The following WDR1 variants were observed in gnomAD, a reference collection of about 807,000 sequenced individuals.
WDR1 encodes the protein WD repeat-containing protein 1.
A neutral mutation model predicts 71.9 loss-of-function variants in WDR1; 21 were observed. The ratio of observed to expected loss-of-function variants is 0.29; its 90% CI spans 0.21 to 0.42. The LOEUF (loss-of-function observed/expected upper bound fraction) is 0.42, where lower values mean the gene tolerates loss of function less well. WDR1 is among the 10% of genes least tolerant of loss of function. WDR1 has a pLI of 1.00. For missense variants in WDR1, 696 were observed against 824.5 expected, an observed-to-expected ratio of 0.84 and a Z score of 1.91; for synonymous variants, 424 against 347.4, an observed-to-expected ratio of 1.22 and a Z score of -2.45.
At chr4:10,103,142 C>G (rs1396831224) in intron 3 of WDR1, among the ~76,000 whole-genome samples, 1 of 152,214 alleles carries the variant, frequency 6.6e-6, no homozygotes, top group Admixed American at 6.5e-5. Context: ...AAAGCCCAGG[C>G]TGCAGAGAGC....
intron 4 of WDR1, among the ~76,000 whole-genome samples, chr4:10,098,103 C>G (rs1408493589): frequency 1.3e-5 from 2 of 152,030 alleles, no homozygotes; most frequent in African/African-American, 2.4e-5. Flanking sequence ...CAAGATGGGG[C>G]AAGCCGGCGC....
chr4:10,095,178 T>G (rs1015489581), intron 5 of WDR1, among the ~76,000 whole-genome samples: 30 of 152,354 alleles, frequency 2.0e-4, no homozygotes, highest in African/African-American at 7.0e-4. Flanking sequence ...CACCAAGGCC[T>G]GAGCGCTGGT....
intron 8 of WDR1, among the ~76,000 whole-genome samples, chr4:10,086,976 C>T (rs1280404547): frequency 1.3e-5 from 2 of 152,078 alleles, no homozygotes; most frequent in South Asian, 2.1e-4. Flanking sequence ...TTCCCAGAGG[C>T]GTCAACTTGG....
chr4:10,088,964 G>C (rs1369116455), intron 5 of WDR1, among the ~76,000 whole-genome samples: 2 of 152,206 alleles, frequency 1.3e-5, no homozygotes, highest in African/African-American at 4.8e-5. Flanking sequence ...CTACCTGCTG[G>C]GAAAGCTGAT....
intron 12 of WDR1, 67 bp from the exon 13 acceptor site, chr4:10,077,993 G>T (rs1003739965): frequency 2.4e-5 from 36 of 1,471,462 alleles, no homozygotes; most frequent in Middle Eastern, 1.8e-4. Flanking sequence ...CCTTTGTGAA[G>T]GGGGGGTCGA....
chr4:10,100,360 G>A (rs1271677641), intron 3 of WDR1, among the ~76,000 whole-genome samples: 1 of 152,188 alleles, frequency 6.6e-6, no homozygotes, highest in Non-Finnish European at 1.5e-5. Context: ...CCACTCACAG[G>A]GCTGCTGTAG....
At chr4:10,076,171 T>G (rs1764792901) in intron 14 of WDR1, 1 of 152,522 alleles carries the variant, frequency 6.6e-6, no homozygotes, top group African/African-American at 2.4e-5. Context: ...CAGCCCCACC[T>G]AGACAGGGTG....
At chr4:10,077,021 G>A (rs1277873565) in intron 14 of WDR1, 3 of 410,980 alleles carry the variant, frequency 7.3e-6, no homozygotes, top group Non-Finnish European at 1.3e-5. Flanking sequence ...GGTCCCAGGT[G>A]GGATTTAAGG....
At chr4:10,091,217 A>G (rs1447870843) in intron 5 of WDR1, among the ~76,000 whole-genome samples, 1 of 152,264 alleles carries the variant, frequency 6.6e-6, no homozygotes, top group Non-Finnish European at 1.5e-5. Flanking sequence ...GTTTAAGCGC[A>G]GTTCTGCATC....
intron 3 of WDR1, 82 bp downstream of exon 3, chr4:10,103,814 G>T: frequency 1.5e-6 from 1 of 652,280 alleles, no homozygotes; most frequent in Non-Finnish European, 2.4e-6. Context: ...CTCTCCCAAG[G>T]CCAGAAGCCC....
intron 9 of WDR1, among the ~76,000 whole-genome samples, 185 bp from the exon 10 acceptor site, chr4:10,083,363 T>TG (rs1765088721): frequency 6.6e-6 from 1 of 152,160 alleles, no homozygotes; most frequent in South Asian, 2.1e-4. Flanking sequence ...GTATCTGAAG[T>TG]GTGGGTGCAC....
intron 2 of WDR1, among the ~76,000 whole-genome samples, chr4:10,114,151 G>A (rs1713564761): frequency 6.6e-6 from 1 of 152,156 alleles, no homozygotes; most frequent in South Asian, 2.1e-4. Context: ...TCTACATCCA[G>A]CCCAGGGAGG....
intron 2 of WDR1, among the ~76,000 whole-genome samples, chr4:10,110,802 C>T (rs73807223): frequency 0.011 from 1,654 of 152,318 alleles, 23 homozygotes; most frequent in African/African-American, 0.038. Context: ...CGGCCATGTA[C>T]CTTGTCGGAT....
chr4:10,114,280 C>T (rs1713573453), intron 2 of WDR1, among the ~76,000 whole-genome samples: 1 of 152,194 alleles, frequency 6.6e-6, no homozygotes, highest in Non-Finnish European at 1.5e-5. Context: ...GGTAAGAATA[C>T]AGAGCTCAGA....
rs548010371 is a variant in WDR1, at chr4:10,116,316, G to A, written c.17-82C>T. On this transcript the variant is annotated intron_variant, in intron 1 of 14. Transcript: ENST00000499869. ...AGAAGGGAGAAGGAGCCCCGGACCG[G>A]TCTCGGCCGGTCACCTGTTGACTGC... is the stretch of plus-strand genomic sequence containing the variant. 47 of 1,581,636 alleles carry A rather than the reference G, an allele frequency of 3.0e-5. No individual in the cohort carries two copies. The African/African-American group carries it at 6.2e-4, about 21-fold the overall frequency.
At chr4:10,102,100 C>A (rs1402367175) in intron 3 of WDR1, among the ~76,000 whole-genome samples, 1 of 152,248 alleles carries the variant, frequency 6.6e-6, no homozygotes, top group Non-Finnish European at 1.5e-5. Flanking sequence ...GCTCACCCAG[C>A]CGCCTGGCTC....
chr4:10,103,983 G>T lies in WDR1; in HGVS notation c.142C>A (p.Pro48Thr). The part of the protein sequence containing the change: ...KCVILRNIDN[P>T]ALADIYTEHA... ...TCTGTGTAGATGTCAGCAAGGGCTG[G>T]GTTCTGCAGGAGGAGACCCCGGAAT... Residue 48 changes from proline (P) to threonine (T), a missense_variant, in exon 3 of 15, where the codon CCA becomes ACA. Pro to Thr is a conservative substitution (Grantham distance 38, BLOSUM62 -1). Transcript: ENST00000499869. 1 of 1,595,596 alleles carries T rather than the reference G, an allele frequency of 6.3e-7. No homozygotes were observed. The highest frequency in any genetic ancestry group is 8.5e-7 in the Non-Finnish European group (1 of 1,171,380).
At chr4:10,109,247 G>A (rs1334121947) in intron 2 of WDR1, among the ~76,000 whole-genome samples, 2 of 152,248 alleles carry the variant, frequency 1.3e-5, no homozygotes, top group African/African-American at 2.4e-5. Flanking sequence ...CCTGAACTCA[G>A]GGCCAGTTGC....
rs182360360 is a variant in WDR1, at chr4:10,113,003, G to C, written c.138+3110C>G. Among the ~76,000 whole-genome samples the C allele has an allele frequency of 3.9e-5, 6 of 152,330 alleles. No homozygotes were observed. In the East Asian group the frequency reaches 1.2e-3, roughly 29 times the overall value. On this transcript the variant is annotated intron_variant, in intron 2 of 14. Transcript: ENST00000499869. ...AGCAATGAGAAAGACAGAAGGCCGGGGATGGAAAATTCTATTCCGGGGACA... is the reference window on the plus strand; with the variant it reads ...AGCAATGAGAAAGACAGAAGGCCGGCGATGGAAAATTCTATTCCGGGGACA...
Sources: gnomAD v4.1 joint callset for allele counts (sites outside exome capture counted in the v4.1 genomes callset) on GRCh38, gnomAD v4.1.1 for gene constraint, MANE v1.5 for transcripts, NCBI Gene and HGNC (gene_info 2026-07-23, HGNC 2026-07-21) for gene names.